The following TLE4 variants were observed in gnomAD, a reference collection of about 807,000 sequenced individuals.
The protein encoded by TLE4 is transducin-like enhancer protein 4.
Under a neutral mutation model 92.8 loss-of-function variants are expected in TLE4, and 8 were observed. That is an observed-to-expected ratio of 0.09 (90% CI 0.05 to 0.16). The LOEUF (loss-of-function observed/expected upper bound fraction) is 0.16, where lower values mean the gene tolerates loss of function less well. Among genes scored for constraint, TLE4 ranks in the 10% least tolerant of loss-of-function variants. The pLI is 1.00. For synonymous variants in TLE4, 371 were observed against 374.1 expected (o/e 0.99, Z 0.10); for missense variants, 675 against 997.6 (o/e 0.68, Z 4.36).
At chr9:79,654,649 T>C (rs2134261943) in intron 8 of TLE4, among the ~76,000 whole-genome samples, 1 of 152,318 alleles carries the variant, frequency 6.6e-6, no homozygotes, top group Admixed American at 6.5e-5. Flanking sequence ...CTTTTGTATC[T>C]CTTTATAGAC....
chr9:79,622,721 C>G (rs1431257315), intron 5 of TLE4, among the ~76,000 whole-genome samples: 3 of 152,144 alleles, frequency 2.0e-5, no homozygotes, highest in Non-Finnish European at 4.4e-5. Context: ...GTGCCTGGTG[C>G]CATAGTAGGT....
At chr9:79,651,043 C>CTCTCTCTG (rs2058885467) in intron 6 of TLE4, among the ~76,000 whole-genome samples, 2 of 139,612 alleles carry the variant, frequency 1.4e-5, no homozygotes, top group African/African-American at 5.0e-5. Flanking sequence ...CTCTCTCTCT[C>CTCTCTCTG]TCTCTCTCTC....
At chr9:79,629,004 T>C (rs2053475719) in intron 6 of TLE4, among the ~76,000 whole-genome samples, 1 of 151,818 alleles carries the variant, frequency 6.6e-6, no homozygotes, top group Non-Finnish European at 1.5e-5. Context: ...CTTCCAGGGG[T>C]CAGAAGGGAT....
At chr9:79,644,580 C>T (rs2057778086) in intron 6 of TLE4, among the ~76,000 whole-genome samples, 1 of 152,232 alleles carries the variant, frequency 6.6e-6, no homozygotes, top group South Asian at 2.1e-4. Context: ...CATTGTGATG[C>T]TTCCCAAATG....
chr9:79,583,970 T>A (rs2040392725), intron 4 of TLE4, among the ~76,000 whole-genome samples: 1 of 152,140 alleles, frequency 6.6e-6, no homozygotes, highest in Non-Finnish European at 1.5e-5. Context: ...CTTTAATAGA[T>A]AACACTGAGG....
intron 8 of TLE4, among the ~76,000 whole-genome samples, chr9:79,695,921 A>G (rs1052484113): frequency 6.6e-6 from 1 of 152,208 alleles, no homozygotes; most frequent in African/African-American, 2.4e-5. Context: ...ATCAGATTGG[A>G]GAAGGTGGGC....
chr9:79,683,203 A>G (rs554808195), intron 8 of TLE4, among the ~76,000 whole-genome samples: 2 of 152,272 alleles, frequency 1.3e-5, no homozygotes, highest in Non-Finnish European at 2.9e-5. Flanking sequence ...TACTGCTCCT[A>G]TTTTTAAGAT....
rs990830169 is a variant in TLE4, at chr9:79,648,869, C to A, written c.391-3724C>A. Among the ~76,000 whole-genome samples, 4 of 151,984 alleles carry A rather than the reference C, an allele frequency of 2.6e-5. No homozygotes were observed. In the East Asian group the frequency reaches 7.7e-4, roughly 29 times the overall value. On this transcript the variant is annotated intron_variant, in intron 6 of 19. Transcript: ENST00000376552. ...TGACAAAAAGTTAGAATGGGGGTGT[C>A]AAAGTTTGGAAGACAATTGTGGGTC... is the stretch of plus-strand genomic sequence containing the variant.
At chr9:79,680,062 C>T (rs1471271699) in intron 8 of TLE4, among the ~76,000 whole-genome samples, 5 of 152,164 alleles carry the variant, frequency 3.3e-5, no homozygotes, top group Admixed American at 2.0e-4. Flanking sequence ...ATGCCTCCGG[C>T]TTTGTTCTTT....
chr9:79,603,387 C>T (rs1278078663), intron 4 of TLE4, among the ~76,000 whole-genome samples: 2 of 152,240 alleles, frequency 1.3e-5, no homozygotes, highest in Admixed American at 1.3e-4. Context: ...CAGCAACCAC[C>T]ACCCTGATTA....
intron 6 of TLE4, among the ~76,000 whole-genome samples, chr9:79,650,036 CT>C (rs1314001252): frequency 6.6e-6 from 1 of 151,940 alleles, no homozygotes. Flanking sequence ...CCACCTCAGC[CT>C]CCTGAGTAGC....
intron 4 of TLE4, among the ~76,000 whole-genome samples, chr9:79,596,141 C>T (rs949285270): frequency 1.3e-5 from 2 of 152,074 alleles, no homozygotes; most frequent in East Asian, 1.9e-4. Context: ...GAACCGCGCC[C>T]GGCCGTTTAG....
intron 5 of TLE4, among the ~76,000 whole-genome samples, chr9:79,627,167 T>C (rs1233411395): frequency 6.6e-6 from 1 of 152,120 alleles, no homozygotes; most frequent in Non-Finnish European, 1.5e-5. Flanking sequence ...GTACCTGCAG[T>C]TGGATGCCCA....
At chr9:79,620,622 A>C (rs1472676257) in intron 5 of TLE4, among the ~76,000 whole-genome samples, 2 of 152,226 alleles carry the variant, frequency 1.3e-5, no homozygotes. Flanking sequence ...GTATTTGCCA[A>C]ATTAAACCTG....
At chr9:79,680,081 G>C (rs553348368) in intron 8 of TLE4, among the ~76,000 whole-genome samples, 6 of 152,308 alleles carry the variant, frequency 3.9e-5, no homozygotes, top group Admixed American at 3.9e-4. Flanking sequence ...TTTGGCTTAG[G>C]ATTGACTTCG....
At chr9:79,578,836 T>TA (rs2038776341) in intron 4 of TLE4, among the ~76,000 whole-genome samples, 1 of 151,894 alleles carries the variant, frequency 6.6e-6, no homozygotes, top group Non-Finnish European at 1.5e-5. Flanking sequence ...AGTGGATTTT[T>TA]TTTTTTTTTA....
rs746679649 is a variant in TLE4 at position 79,654,101 on chromosome 9, G to A, written c.609+26G>A. The A allele has an allele frequency of 2.5e-6, 4 of 1,608,812 alleles. No homozygotes were observed. The African/African-American group carries it at 5.4e-5, about 22-fold the overall frequency. On this transcript the variant is annotated intron_variant, in intron 8 of 19. Transcript: ENST00000376552. ...GTAGGACTCAAAATTTACAGACTAA[G>A]GAATGGCTTAAAAGGGCTGTAAATG... is the stretch of plus-strand genomic sequence containing the variant.
chr9:79,668,249 C>T (rs1176271141), intron 8 of TLE4, among the ~76,000 whole-genome samples: 1 of 152,128 alleles, frequency 6.6e-6, no homozygotes, highest in Admixed American at 6.5e-5. Flanking sequence ...GCTGTTACCC[C>T]CAGTGTTTGC....
intron 14 of TLE4, among the ~76,000 whole-genome samples, chr9:79,711,914 T>A (rs986448222): frequency 2.0e-5 from 3 of 152,178 alleles, no homozygotes; most frequent in African/African-American, 7.2e-5. Context: ...CTAAAAAGCA[T>A]GTGGTGCAGT....
Sources: allele counts gnomAD v4.1 joint callset (sites outside exome capture counted in the v4.1 genomes callset), GRCh38; gene constraint gnomAD v4.1.1; transcripts MANE v1.5; gene names NCBI Gene and HGNC (gene_info 2026-07-23, HGNC 2026-07-21).